CBLB: variants seen among roughly 807,000 people sequenced by gnomAD.
CBLB encodes the protein Cbl proto-oncogene B, also known as E3 ubiquitin-protein ligase CBL-B.
A neutral mutation model predicts 104.9 loss-of-function variants in CBLB; 31 were observed. The observed-to-expected ratio is 0.30, with a 90% CI of 0.22 to 0.40. CBLB has a LOEUF of 0.40. Ranked by LOEUF, CBLB falls within the 10% of genes least tolerant of loss-of-function variation. The pLI, the probability that CBLB is intolerant of heterozygous loss-of-function variation, is 1.00. For missense variants in CBLB, 1,062 were observed against 1,214.6 expected, an observed-to-expected ratio of 0.87 and a Z score of 1.87; for synonymous variants, 440 against 422.6, an observed-to-expected ratio of 1.04 and a Z score of -0.51.
chr3:105,702,566 C>A, intron 11 of CBLB, 107 bp from the exon 12 acceptor site: 3 of 1,212,286 alleles, frequency 2.5e-6, no homozygotes, highest in Non-Finnish European at 3.4e-6. Context: ...TTTTCTAAGC[C>A]AAACAAGGAG....
At chr3:105,855,788 G>C (rs13068443) in intron 2 of CBLB, among the ~76,000 whole-genome samples, 1,855 of 152,202 alleles carry the variant, frequency 0.012, 17 homozygotes, top group Non-Finnish European at 0.019. Context: ...AAAAACTATA[G>C]TGCTTTGTGG....
chr3:105,678,370 G>T, intron 17 of CBLB, 61 bp downstream of exon 17: 1 of 1,489,470 alleles, frequency 6.7e-7, no homozygotes, highest in Non-Finnish European at 9.4e-7. Context: ...TTATTTGATA[G>T]TATGGTTTTG....
At chr3:105,781,051 C>T (rs2080202555) in intron 3 of CBLB, among the ~76,000 whole-genome samples, 1 of 151,960 alleles carries the variant, frequency 6.6e-6, no homozygotes, top group African/African-American at 2.4e-5. Context: ...AAGATGTTAA[C>T]ATTAGAGGAG....
At chr3:105,869,321 G>C (rs994111834), upstream of CBLB, 1 of 1,243,510 alleles carries the variant, frequency 8.0e-7, no homozygotes, top group Non-Finnish European at 1.1e-6. Context: ...GGGATGCAAG[G>C]CACGAAGGAG....
At chr3:105,830,161 A>C (rs1436102216) in intron 3 of CBLB, among the ~76,000 whole-genome samples, 1 of 152,196 alleles carries the variant, frequency 6.6e-6, no homozygotes, top group African/African-American at 2.4e-5. Flanking sequence ...ACATCTTGGA[A>C]GGCTGTCCAG....
At chr3:105,836,497 G>T (rs1217000852) in intron 3 of CBLB, among the ~76,000 whole-genome samples, 1 of 152,252 alleles carries the variant, frequency 6.6e-6, no homozygotes, top group Admixed American at 6.5e-5. Context: ...ACCCCGCAGA[G>T]GCAATATGAA....
intron 3 of CBLB, among the ~76,000 whole-genome samples, chr3:105,818,022 T>C (rs767783702): frequency 1.9e-4 from 29 of 152,188 alleles, no homozygotes; most frequent in Non-Finnish European, 3.8e-4. Flanking sequence ...TATTATCTTG[T>C]TTAAAATTCT....
At chr3:105,863,733 C>A (rs1269095695) in intron 2 of CBLB, among the ~76,000 whole-genome samples, 1 of 152,098 alleles carries the variant, frequency 6.6e-6, no homozygotes, top group East Asian at 1.9e-4. Context: ...GCAGGAAAAG[C>A]CTACTGGGCA....
rs773310392 is a variant in CBLB at position 105,776,384 on chromosome 3, A to G, written c.566+12T>C. The G allele has an allele frequency of 6.2e-6, 10 of 1,612,272 alleles. No homozygotes were observed. Among genetic ancestry groups the G allele is most frequent in the Non-Finnish European group, 8.5e-6 (10 of 1,178,892 alleles). ...AGATAGATCCACAGCTATAAAAATG[A>G]TTTTTACTTACTTGTCTCCAAAAAA... is the stretch of plus-strand genomic sequence containing the variant. On this transcript the variant is annotated intron_variant, in intron 4 of 18. Coordinates refer to ENST00000394030, the MANE Select transcript of CBLB (RefSeq NM_170662.5).
intron 6 of CBLB, among the ~76,000 whole-genome samples, chr3:105,742,274 C>G (rs2152884874): frequency 6.6e-6 from 1 of 152,172 alleles, no homozygotes; most frequent in South Asian, 2.1e-4. Flanking sequence ...CATTGATAGA[C>G]CAAGCACTAT....
intron 3 of CBLB, among the ~76,000 whole-genome samples, chr3:105,821,290 A>ATCTATCTG (rs1475074365): frequency 3.3e-5 from 5 of 151,720 alleles, no homozygotes; most frequent in African/African-American, 1.2e-4. Flanking sequence ...CTATCTATCT[A>ATCTATCTG]TCACCTACTA....
chr3:105,801,719 GCAAGTTA>G (rs1386594980), intron 3 of CBLB, among the ~76,000 whole-genome samples: 1 of 152,188 alleles, frequency 6.6e-6, no homozygotes, highest in African/African-American at 2.4e-5. Flanking sequence ...TTTGGCATGG[GCAAGTTA>G]CAATTCTAAG....
intron 3 of CBLB, among the ~76,000 whole-genome samples, chr3:105,850,167 C>A (rs977435671): frequency 3.3e-5 from 5 of 151,842 alleles, no homozygotes; most frequent in African/African-American, 1.2e-4. Context: ...TAGACGTCTA[C>A]GAGTATGTTT....
intron 3 of CBLB, among the ~76,000 whole-genome samples, chr3:105,826,376 T>G (rs534658450): frequency 6.6e-6 from 1 of 152,204 alleles, no homozygotes; most frequent in Non-Finnish European, 1.5e-5. Flanking sequence ...CATGCTATCC[T>G]AGAAACACTT....
chr3:105,658,811 G>A lies in CBLB; in HGVS notation c.*159C>T. ...CCACAGCTGTCGACATCCTGAGCAA[G>A]CATCGGTCTCCTTTGAGAAGCTGCA... On this transcript the variant is annotated 3_prime_UTR_variant, in exon 19 of 19. Transcript: ENST00000394030. 1 of 724,950 alleles carries A rather than the reference G, an allele frequency of 1.4e-6. No individual in the cohort carries two copies. The highest frequency in any genetic ancestry group is 2.3e-6 in the Non-Finnish European group (1 of 432,422). The allele number at this position is 724,950 out of a possible 1,614,324, so 44.9% of individuals were successfully genotyped here.
chr3:105,681,661 T>G, intron 15 of CBLB, 51 bp from the exon 16 acceptor site: 2 of 1,612,534 alleles, frequency 1.2e-6, no homozygotes, highest in Non-Finnish European at 1.7e-6. Flanking sequence ...TGGCATGAAA[T>G]TTTGCCTTTA....
intron 4 of CBLB, among the ~76,000 whole-genome samples, chr3:105,761,733 G>A (rs1041990012): frequency 6.6e-6 from 1 of 152,194 alleles, no homozygotes; most frequent in African/African-American, 2.4e-5. Flanking sequence ...GGTGCCAGTA[G>A]AGTGGGGTGC....
At chr3:105,865,703 A>T (rs996467482) in intron 2 of CBLB, among the ~76,000 whole-genome samples, 2 of 152,202 alleles carry the variant, frequency 1.3e-5, no homozygotes, top group African/African-American at 4.8e-5. Context: ...ATAGCTCACC[A>T]CATCCTTATA....
intron 10 of CBLB, among the ~76,000 whole-genome samples, chr3:105,714,463 G>T (rs1187604050): frequency 6.6e-6 from 1 of 152,056 alleles, no homozygotes; most frequent in Admixed American, 6.6e-5. Flanking sequence ...TCCCATCTAG[G>T]GGTGATGGGA....
Sources: gnomAD v4.1 joint callset for allele counts (sites outside exome capture counted in the v4.1 genomes callset) on GRCh38, gnomAD v4.1.1 for gene constraint, MANE v1.5 for transcripts, NCBI Gene and HGNC (gene_info 2026-07-23, HGNC 2026-07-21) for gene names.